Variants in NDUFAF2 observed in about 807,000 individuals in gnomAD.
NDUFAF2 encodes NADH:ubiquinone oxidoreductase complex assembly factor 2.
NDUFAF2 carries 13 observed loss-of-function variants against 22.8 expected under a neutral mutation model. The ratio of observed to expected loss-of-function variants is 0.57; its 90% CI spans 0.37 to 0.91. The LOEUF is 0.91. NDUFAF2 is among the 40% of genes least tolerant of loss of function. The pLI is 0.01. For synonymous variants in NDUFAF2, 53 were observed against 64.2 expected (o/e 0.83, Z 0.84); for missense variants, 162 against 195.2 (o/e 0.83, Z 1.01).
chr5:61,103,164 C>T (rs1224614605), intron 3 of NDUFAF2, among the ~76,000 whole-genome samples: 2 of 152,226 alleles, frequency 1.3e-5, no homozygotes, highest in African/African-American at 4.8e-5. Flanking sequence ...GTAGGTCTAA[C>T]ACCTTGGCAT....
At chr5:61,013,857 C>T (rs558792983) in intron 1 of NDUFAF2, among the ~76,000 whole-genome samples, 12 of 152,208 alleles carry the variant, frequency 7.9e-5, no homozygotes, top group Non-Finnish European at 1.5e-4. Context: ...ATGTGTAGGT[C>T]ATGTGCAAAG....
At chr5:61,114,937 C>T (rs1435442125) in intron 3 of NDUFAF2, 1 of 152,306 alleles carries the variant, frequency 6.6e-6, no homozygotes, top group Non-Finnish European at 1.5e-5. Context: ...TCACTCAAGG[C>T]CCTAGGGCTC....
intron 2 of NDUFAF2, among the ~76,000 whole-genome samples, chr5:61,093,479 T>C (rs1391787198): frequency 6.6e-6 from 1 of 152,204 alleles, no homozygotes; most frequent in African/African-American, 2.4e-5. Flanking sequence ...GGATGCTGAT[T>C]TTAATTGACA....
intron 1 of NDUFAF2, among the ~76,000 whole-genome samples, chr5:61,055,530 AT>A (rs1270491046): frequency 6.6e-6 from 1 of 152,234 alleles, no homozygotes; most frequent in African/African-American, 2.4e-5. Flanking sequence ...AAAAGCCCAA[AT>A]TATGCATTAT....
intron 1 of NDUFAF2, among the ~76,000 whole-genome samples, chr5:60,975,257 A>G (rs1221553141): frequency 6.6e-6 from 1 of 152,136 alleles, no homozygotes; most frequent in Non-Finnish European, 1.5e-5. Context: ...TTTGGCCGTC[A>G]TTACCTAGGC....
chr5:60,953,960 C>T (rs1750581222), intron 1 of NDUFAF2, among the ~76,000 whole-genome samples: 2 of 152,062 alleles, frequency 1.3e-5, no homozygotes. Flanking sequence ...AGGAATTTCT[C>T]CTTTCCATGC....
chr5:61,125,330 ATTTT>A (rs774679164), intron 3 of NDUFAF2, among the ~76,000 whole-genome samples: 2 of 150,926 alleles, frequency 1.3e-5, no homozygotes, highest in Non-Finnish European at 3.0e-5. Context: ...TATGCACTGT[ATTTT>A]TTTTTATCAT....
At position 61,073,180 on chromosome 5, in the gene NDUFAF2, C is replaced by T. The variant is rs752303383; in HGVS notation, c.183C>T (p.Asp61=). Residue 61 remains aspartate, a synonymous_variant, in exon 2 of 4, where the codon GAC becomes GAT. Coordinates refer to ENST00000296597, the MANE Select transcript of NDUFAF2 (RefSeq NM_174889.5). Reference sequence around the variant, plus strand: ...AAGCAGCAAATAAAAAAGAAGTAGACTATGAAGCAGGGGATATTCCAACAG... The same window carrying T: ...AAGCAGCAAATAAAAAAGAAGTAGATTATGAAGCAGGGGATATTCCAACAG... ...IVEAANKKEV[D]YEAGDIPTEW... is the part of the protein sequence containing the mutation. 9.3e-6 allele frequency: 15 copies of T among 1,613,074 alleles called. No homozygotes were observed. The East Asian group carries it at 3.1e-4, about 34-fold the overall frequency.
intron 2 of NDUFAF2, among the ~76,000 whole-genome samples, chr5:61,082,942 G>A (rs898534306): frequency 6.6e-6 from 1 of 152,142 alleles, no homozygotes. Flanking sequence ...AGTTCTTTGA[G>A]AATCGCCAAA....
intron 1 of NDUFAF2, among the ~76,000 whole-genome samples, chr5:61,008,176 T>G (rs1422634136): frequency 7.1e-6 from 1 of 139,976 alleles, no homozygotes; most frequent in African/African-American, 2.6e-5. Context: ...GGGGGAGGGA[T>G]AGCTTTAGGA....
intron 3 of NDUFAF2, among the ~76,000 whole-genome samples, chr5:61,107,044 T>TACACAC (rs71578646): frequency 0.06 from 3,884 of 64,430 alleles, 85 homozygotes; most frequent in Middle Eastern, 0.078. Context: ...TTTGGATAAA[T>TACACAC]ATACACACAC....
intron 2 of NDUFAF2, among the ~76,000 whole-genome samples, chr5:61,087,328 T>G (rs1436939872): frequency 6.6e-6 from 1 of 152,176 alleles, no homozygotes; most frequent in Non-Finnish European, 1.5e-5. Flanking sequence ...AGAAAATAAC[T>G]TTCTGTTGTT....
At chr5:61,030,402 C>T (rs964965599) in intron 1 of NDUFAF2, among the ~76,000 whole-genome samples, 7 of 152,072 alleles carry the variant, frequency 4.6e-5, no homozygotes, top group Admixed American at 2.6e-4. Flanking sequence ...TTCCCATTTT[C>T]TCATTCCCCA....
chr5:61,081,368 G>A (rs1752440755), intron 2 of NDUFAF2, among the ~76,000 whole-genome samples: 1 of 152,070 alleles, frequency 6.6e-6, no homozygotes, highest in Admixed American at 6.6e-5. Flanking sequence ...CAATAAAGCT[G>A]TAAAAGAATA....
intron 1 of NDUFAF2, among the ~76,000 whole-genome samples, chr5:60,995,965 G>A (rs1751223797): frequency 6.6e-6 from 1 of 152,172 alleles, no homozygotes; most frequent in African/African-American, 2.4e-5. Flanking sequence ...TACCCCTGAT[G>A]TTTCTTTTAG....
chr5:61,069,503 TA>T (rs1293385603), intron 1 of NDUFAF2, among the ~76,000 whole-genome samples: 2 of 152,218 alleles, frequency 1.3e-5, no homozygotes, highest in African/African-American at 4.8e-5. Flanking sequence ...ATTACATGAA[TA>T]TTTTTTAGAG....
At chr5:61,093,784 G>C (rs1433034842) in intron 2 of NDUFAF2, among the ~76,000 whole-genome samples, 2 of 152,174 alleles carry the variant, frequency 1.3e-5, no homozygotes, top group Non-Finnish European at 2.9e-5. Flanking sequence ...CATAGAATGA[G>C]TTAGGGAGGA....
chr5:60,963,703 T>G (rs905037697), intron 1 of NDUFAF2, among the ~76,000 whole-genome samples: 1 of 152,212 alleles, frequency 6.6e-6, no homozygotes, highest in Non-Finnish European at 1.5e-5. Context: ...GAGCTTACAT[T>G]GAAGCTGAAG....
chr5:60,982,669 G>A lies in NDUFAF2; in HGVS notation c.127+37287G>A, dbSNP rs141831565. On this transcript the variant is annotated intron_variant, in intron 1 of 3. Transcript: ENST00000296597. The stretch of plus-strand genomic sequence containing the variant: ...GCGGTGTTTGGTCTTTTGTCCTTGC[G>A]ATAGTTTACTGAGAATGATGGTTTC... Among the ~76,000 whole-genome samples, 1,268 of 151,004 alleles carry A rather than the reference G, an allele frequency of 8.4e-3. 76 individuals are homozygous for A. The East Asian group carries it at 0.14, about 16-fold the overall frequency.
Sources: gnomAD v4.1 joint callset for allele counts (sites outside exome capture counted in the v4.1 genomes callset) on GRCh38, gnomAD v4.1.1 for gene constraint, MANE v1.5 for transcripts, NCBI Gene and HGNC (gene_info 2026-07-23, HGNC 2026-07-21) for gene names.